MACROD2: variants seen among roughly 807,000 people sequenced by gnomAD.
The protein encoded by MACROD2 is ADP-ribose glycohydrolase MACROD2.
Under a neutral mutation model 70.4 loss-of-function variants are expected in MACROD2, and 36 were observed. The observed-to-expected ratio is 0.51, with a 90% CI of 0.39 to 0.68. The LOEUF (loss-of-function observed/expected upper bound fraction) is 0.68, where lower values mean the gene tolerates loss of function less well. MACROD2 is among the 30% of genes least tolerant of loss of function. MACROD2 has a pLI of 0.00. For synonymous variants in MACROD2, 172 were observed against 178.8 expected (o/e 0.96, Z 0.30); for missense variants, 496 against 538.4 (o/e 0.92, Z 0.78).
chr20:15,220,289 G>T (rs1246557803), intron 5 of MACROD2, among the ~76,000 whole-genome samples: 2 of 152,064 alleles, frequency 1.3e-5, no homozygotes. Context: ...ATTATATCGG[G>T]CCAACTTTTA....
chr20:14,215,333 T>TACACACAC (rs1208322168), intron 3 of MACROD2, among the ~76,000 whole-genome samples: 1 of 96,384 alleles, frequency 1.0e-5, no homozygotes, highest in East Asian at 2.6e-4. Context: ...TATGCCATCA[T>TACACACAC]ATATACACAC....
chr20:14,398,462 T>C (rs1454031539), intron 3 of MACROD2, among the ~76,000 whole-genome samples: 2 of 151,848 alleles, frequency 1.3e-5, no homozygotes, highest in Non-Finnish European at 2.9e-5. Flanking sequence ...GGCGAGATGA[T>C]ATCTCATGTA....
chr20:14,236,413 C>G (rs1448274332), intron 3 of MACROD2, among the ~76,000 whole-genome samples: 1 of 151,520 alleles, frequency 6.6e-6, no homozygotes, highest in Admixed American at 6.6e-5. Flanking sequence ...GCTTAGAAGA[C>G]AAAGCAAATA....
intron 3 of MACROD2, among the ~76,000 whole-genome samples, chr20:14,388,470 C>T (rs2083491307): frequency 6.6e-6 from 1 of 152,150 alleles, no homozygotes; most frequent in South Asian, 2.1e-4. Flanking sequence ...AGAAGCATTA[C>T]TGATACTGTA....
intron 3 of MACROD2, among the ~76,000 whole-genome samples, chr20:14,238,443 A>G (rs1601387455): frequency 2.6e-5 from 4 of 152,184 alleles, no homozygotes; most frequent in Admixed American, 6.5e-5. Context: ...AAACCCACAA[A>G]CAACATTTTA....
At chr20:14,628,577 G>C (rs1050133563) in intron 4 of MACROD2, 1 of 152,170 alleles carries the variant, frequency 6.6e-6, no homozygotes, top group Non-Finnish European at 1.5e-5. Flanking sequence ...TTTGTATGTA[G>C]GGAGAGTATT....
intron 5 of MACROD2, among the ~76,000 whole-genome samples, chr20:15,020,957 A>T (rs1463058599): frequency 6.7e-6 from 1 of 149,818 alleles, no homozygotes. Context: ...ATACATATAT[A>T]TGTAATGTGT....
intron 5 of MACROD2, among the ~76,000 whole-genome samples, chr20:14,954,021 A>T (rs2074497382): frequency 6.6e-6 from 1 of 152,128 alleles, no homozygotes. Context: ...AAGTCTTAGG[A>T]GATATGCAAA....
chr20:15,969,594 C>T (rs185049910), intron 13 of MACROD2, among the ~76,000 whole-genome samples: 112 of 151,862 alleles, frequency 7.4e-4, no homozygotes, highest in African/African-American at 2.1e-3. Flanking sequence ...TAGACACAGC[C>T]GAAAGAAGAT....
chr20:15,546,129 C>T (rs1274651675), intron 8 of MACROD2, among the ~76,000 whole-genome samples: 2 of 152,178 alleles, frequency 1.3e-5, no homozygotes, highest in East Asian at 3.9e-4. Context: ...CCTGCAATCT[C>T]AGCTACTTGG....
chr20:14,690,901 T>A (rs1016919577), intron 5 of MACROD2, among the ~76,000 whole-genome samples: 2 of 152,152 alleles, frequency 1.3e-5, no homozygotes, highest in East Asian at 3.9e-4. Context: ...TCTGTGGCAA[T>A]CTGCACTTTT....
intron 8 of MACROD2, among the ~76,000 whole-genome samples, chr20:15,668,274 T>TA (rs1236520531): frequency 7.3e-6 from 1 of 137,528 alleles, no homozygotes; most frequent in Non-Finnish European, 1.6e-5. Context: ...AAATATAAAA[T>TA]AAAAAAATGC....
intron 4 of MACROD2, among the ~76,000 whole-genome samples, chr20:14,514,609 T>C (rs1265853487): frequency 1.3e-5 from 2 of 152,140 alleles, no homozygotes; most frequent in Non-Finnish European, 2.9e-5. Flanking sequence ...TCGCAGGTAA[T>C]GTTATCTTCA....
At chr20:15,864,665 T>C (rs958001589) in intron 9 of MACROD2, among the ~76,000 whole-genome samples, 5 of 152,138 alleles carry the variant, frequency 3.3e-5, no homozygotes, top group African/African-American at 9.6e-5. Flanking sequence ...TTAATACTTA[T>C]GCAAACAAAT....
Position 15,786,598 on chromosome 20 carries a change from CAAAT to C in MACROD2, c.646-76144_646-76141del, listed in dbSNP as rs533206315. ...CTCCTTTTTCTTTTGAATAGAAAGT[CAAAT>C]AACAAATTATCTCACATATGCAAGA... On this transcript the variant is annotated intron_variant, in intron 8 of 17. Coordinates refer to ENST00000684519, the MANE Select transcript of MACROD2 (RefSeq NM_001351661.2). Among the ~76,000 whole-genome samples the C allele has an allele frequency of 5.9e-5, 9 of 152,152 alleles. No individual in the cohort carries two copies. The South Asian group carries it at 1.9e-3, about 32-fold the overall frequency.
At chr20:15,991,317 C>T (rs1476871290) in intron 15 of MACROD2, among the ~76,000 whole-genome samples, 2 of 152,194 alleles carry the variant, frequency 1.3e-5, no homozygotes, top group Non-Finnish European at 2.9e-5. Context: ...CTGCTTCTAC[C>T]AATCAAATCC....
At chr20:15,939,881 A>T (rs928993345) in intron 12 of MACROD2, among the ~76,000 whole-genome samples, 1 of 152,148 alleles carries the variant, frequency 6.6e-6, no homozygotes, top group Non-Finnish European at 1.5e-5. Context: ...GATGACTGTG[A>T]GTGGTTCAAG....
intron 6 of MACROD2, among the ~76,000 whole-genome samples, chr20:15,315,778 T>C (rs1054165104): frequency 4.6e-5 from 7 of 152,132 alleles, no homozygotes; most frequent in African/African-American, 1.7e-4. Context: ...CATAGGTAAA[T>C]GTAAAAGCCA....
chr20:14,968,843 C>T (rs1600888355), intron 5 of MACROD2, among the ~76,000 whole-genome samples: 1 of 152,304 alleles, frequency 6.6e-6, no homozygotes, highest in African/African-American at 2.4e-5. Flanking sequence ...CCATCTGCCT[C>T]TTCTAGCCCT....
Sources: allele counts gnomAD v4.1 joint callset (sites outside exome capture counted in the v4.1 genomes callset), GRCh38; gene constraint gnomAD v4.1.1; transcripts MANE v1.5; gene names NCBI Gene and HGNC (gene_info 2026-07-23, HGNC 2026-07-21).